Variants in TM4SF4 observed in about 807,000 individuals in gnomAD.
The protein encoded by TM4SF4 is transmembrane 4 L six family member 4, also known as transmembrane 4 L6 family member 4.
A neutral mutation model predicts 24.1 loss-of-function variants in TM4SF4; 24 were observed. The observed-to-expected ratio is 1.00, with a 90% CI of 0.72 to 1.40. The LOEUF (loss-of-function observed/expected upper bound fraction) is 1.40, where lower values mean the gene tolerates loss of function less well. Among genes scored for constraint, TM4SF4 ranks in the 40% most tolerant of loss-of-function variants. TM4SF4 has a pLI of 0.00. For missense variants in TM4SF4, 254 were observed against 254.2 expected, an observed-to-expected ratio of 1.00 and a Z score of 0.01; for synonymous variants, 113 against 97.0, an observed-to-expected ratio of 1.17 and a Z score of -0.97.
Position 149,498,927 on chromosome 3 carries a change from T to G in TM4SF4, c.591+16T>G. On this transcript the variant is annotated intron_variant, in intron 4 of 4. Transcript: ENST00000305354. ...CTGCTGTGGGGTAAGTTCAGGCTTT[T>G]GCTGTTTCTTCTCAGCATGAGGGAG... 2 of 1,613,212 alleles carry G rather than the reference T, an allele frequency of 1.2e-6. No individual in the cohort carries two copies. The highest frequency in any genetic ancestry group is 2.2e-5 in the East Asian group (1 of 44,866).
intron 3 of TM4SF4, among the ~76,000 whole-genome samples, chr3:149,493,754 G>A (rs1734259140): frequency 6.6e-6 from 1 of 152,186 alleles, no homozygotes; most frequent in Non-Finnish European, 1.5e-5. Flanking sequence ...TGATGGCAGC[G>A]CAGGGTCCAG....
chr3:149,487,169 C>T (rs1177771200), intron 2 of TM4SF4, among the ~76,000 whole-genome samples: 5 of 152,140 alleles, frequency 3.3e-5, no homozygotes, highest in African/African-American at 1.2e-4. Context: ...GCAGGAGAAT[C>T]CCCTGAACCT....
At chr3:149,476,958 G>A (rs778125891) in intron 2 of TM4SF4, among the ~76,000 whole-genome samples, 20 of 151,152 alleles carry the variant, frequency 1.3e-4, no homozygotes, top group Non-Finnish European at 2.2e-4. Context: ...GCCACCCCAC[G>A]CAGCTGATTT....
intron 3 of TM4SF4, among the ~76,000 whole-genome samples, chr3:149,498,343 A>G (rs918222470): frequency 6.6e-6 from 1 of 152,330 alleles, no homozygotes; most frequent in African/African-American, 2.4e-5. Flanking sequence ...TGTCCCCATC[A>G]TAGATGGTGA....
intron 3 of TM4SF4, among the ~76,000 whole-genome samples, chr3:149,488,371 C>G (rs1734156415): frequency 6.6e-6 from 1 of 152,188 alleles, no homozygotes; most frequent in Admixed American, 6.5e-5. Flanking sequence ...GGTAATTACT[C>G]TGTGCCAAGG....
chr3:149,490,689 G>A (rs1470726887), intron 3 of TM4SF4, among the ~76,000 whole-genome samples: 1 of 152,146 alleles, frequency 6.6e-6, no homozygotes, highest in African/African-American at 2.4e-5. Flanking sequence ...TACTATACTG[G>A]TATCTGATAG....
chr3:149,480,724 A>T (rs1010332533), intron 2 of TM4SF4, among the ~76,000 whole-genome samples: 2 of 152,178 alleles, frequency 1.3e-5, no homozygotes, highest in East Asian at 3.9e-4. Flanking sequence ...TTTTAGAAAG[A>T]CATTTCCTTT....
rs1734463572 is a variant in TM4SF4 at position 149,503,293 on chromosome 3, T to C, written c.*600T>C. ...TTCAGAGGTAACGTAACAAAGATTG[T>C]GTGTGTTTTAGGAGGGGGGACAAAA... On this transcript the variant is annotated 3_prime_UTR_variant, in exon 5 of 5. Coordinates refer to ENST00000305354, the MANE Select transcript of TM4SF4 (RefSeq NM_004617.4). 1.3e-5 allele frequency: 2 copies of C among 152,204 alleles called. No homozygotes were observed. The highest frequency in any genetic ancestry group is 2.1e-4 in the South Asian group (1 of 4,832). 9.4% of individuals were successfully genotyped at this position (152,204 alleles called of 1,614,324 possible). A position where few individuals can be genotyped will look rare whatever the true frequency, so the allele number is the denominator to read the frequency against.
At chr3:149,476,523 T>G (rs1296257211) in intron 2 of TM4SF4, among the ~76,000 whole-genome samples, 1 of 152,176 alleles carries the variant, frequency 6.6e-6, no homozygotes, top group Non-Finnish European at 1.5e-5. Flanking sequence ...GTGGAAAGAA[T>G]GCTGGGACAT....
chr3:149,477,284 AT>A (rs1296030793), intron 2 of TM4SF4, among the ~76,000 whole-genome samples: 1 of 152,202 alleles, frequency 6.6e-6, no homozygotes, highest in African/African-American at 2.4e-5. Flanking sequence ...CTGACAAAAA[AT>A]ATTAAGAGTT....
chr3:149,486,555 G>A (rs1576519347), intron 2 of TM4SF4, among the ~76,000 whole-genome samples: 2 of 152,188 alleles, frequency 1.3e-5, no homozygotes, highest in Non-Finnish European at 2.9e-5. Flanking sequence ...CCGTAAGAGG[G>A]AGTTAACCTA....
At chr3:149,492,439 T>C (rs1734227774) in intron 3 of TM4SF4, among the ~76,000 whole-genome samples, 1 of 152,154 alleles carries the variant, frequency 6.6e-6, no homozygotes, top group African/African-American at 2.4e-5. Context: ...ATATACCCTC[T>C]TGGTTTCCTT....
At chr3:149,489,241 A>G (rs13072639) in intron 3 of TM4SF4, among the ~76,000 whole-genome samples, 49,977 of 152,106 alleles carry the variant, frequency 0.33, 8,481 homozygotes, top group Non-Finnish European at 0.36. Context: ...ACCCGCCCCC[A>G]TTGAGGCTCT....
intron 2 of TM4SF4, among the ~76,000 whole-genome samples, chr3:149,481,181 C>T (rs1281582860): frequency 6.6e-6 from 1 of 152,132 alleles, no homozygotes; most frequent in African/African-American, 2.4e-5. Flanking sequence ...ATTTTCTATG[C>T]TTCAAAATCC....
chr3:149,491,542 T>A (rs1259573980), intron 3 of TM4SF4, among the ~76,000 whole-genome samples: 3 of 151,958 alleles, frequency 2.0e-5, no homozygotes, highest in Non-Finnish European at 4.4e-5. Flanking sequence ...TATCTACATA[T>A]GCACATATCT....
intron 3 of TM4SF4, among the ~76,000 whole-genome samples, chr3:149,496,320 C>T (rs1181349837): frequency 6.6e-6 from 1 of 152,080 alleles, no homozygotes; most frequent in Non-Finnish European, 1.5e-5. Context: ...AGCGATTCTC[C>T]CACCTCAGCC....
chr3:149,500,356 T>A (rs1215530787), intron 4 of TM4SF4, among the ~76,000 whole-genome samples: 1 of 151,912 alleles, frequency 6.6e-6, no homozygotes, highest in Non-Finnish European at 1.5e-5. Context: ...TATTAAAAAA[T>A]TTTAATAATT....
At position 149,502,762 on chromosome 3, in the gene TM4SF4, C is replaced by T; in HGVS notation, c.*69C>T. The T allele has an allele frequency of 1.7e-6, 2 of 1,192,316 alleles. No homozygotes were observed. Among genetic ancestry groups the T allele is most frequent in the East Asian group, 4.9e-5 (2 of 41,122 alleles). 73.9% of individuals were successfully genotyped at this position (1,192,316 alleles called of 1,614,324 possible). A position where few individuals can be genotyped will look rare whatever the true frequency, so the allele number is the denominator to read the frequency against. On this transcript the variant is annotated 3_prime_UTR_variant, in exon 5 of 5. Coordinates refer to ENST00000305354, the MANE Select transcript of TM4SF4 (RefSeq NM_004617.4). ...AATTTCTTTTCATAAAACTTCTTCT[C>T]TTCTTGGAATTATTAATTCCTATCT...
chr3:149,489,654 G>A (rs1734177930), intron 3 of TM4SF4, among the ~76,000 whole-genome samples: 1 of 152,202 alleles, frequency 6.6e-6, no homozygotes, highest in South Asian at 2.1e-4. Context: ...GACAGGAAAC[G>A]ACTTTTGGAA....
Sources: allele counts gnomAD v4.1 joint callset (sites outside exome capture counted in the v4.1 genomes callset), GRCh38; gene constraint gnomAD v4.1.1; transcripts MANE v1.5; gene names NCBI Gene and HGNC (gene_info 2026-07-23, HGNC 2026-07-21).